THSD7B: variants seen among roughly 807,000 people sequenced by gnomAD.
THSD7B encodes the protein thrombospondin type 1 domain containing 7B.
THSD7B carries 138 observed loss-of-function variants against 213.6 expected under a neutral mutation model. That is an observed-to-expected ratio of 0.65 (90% CI 0.56 to 0.74). The LOEUF is 0.74. Among genes scored for constraint, THSD7B ranks in the 30% least tolerant of loss-of-function variants. The pLI is 0.00. For missense variants in THSD7B, 1,931 were observed against 1,991.5 expected, an observed-to-expected ratio of 0.97 and a Z score of 0.58; for synonymous variants, 742 against 687.0, an observed-to-expected ratio of 1.08 and a Z score of -1.25.
intron 2 of THSD7B, among the ~76,000 whole-genome samples, chr2:136,911,561 T>C (rs1370010249): frequency 6.6e-6 from 1 of 152,240 alleles, no homozygotes; most frequent in Non-Finnish European, 1.5e-5. Flanking sequence ...TACTCCTACC[T>C]AGCTTTCTTC....
At position 137,573,948 on chromosome 2, in the gene THSD7B, G is replaced by C. The variant is rs575011182; in HGVS notation, c.3423+1392G>C. Among the ~76,000 whole-genome samples, 189 of 152,078 alleles carry C rather than the reference G, an allele frequency of 1.2e-3. 1 individual carries two copies. Among genetic ancestry groups the C allele is most frequent in the South Asian group, 1.0e-2 (48 of 4,824 alleles). ...ATGCAATATTTATTTGAAGAAGAAGGGTAGCTGTTTTAGTTATCTGTGTGA... is the reference window on the plus strand; with the variant it reads ...ATGCAATATTTATTTGAAGAAGAAGCGTAGCTGTTTTAGTTATCTGTGTGA... On this transcript the variant is annotated intron_variant, in intron 17 of 27. Transcript: ENST00000409968.
intron 14 of THSD7B, 21 bp downstream of exon 14, chr2:137,411,893 TA>T: frequency 1.2e-6 from 2 of 1,612,848 alleles, no homozygotes; most frequent in Non-Finnish European, 1.7e-6. Context: ...GGATGGAGAG[TA>T]ACAGATGAGA....
intron 15 of THSD7B, among the ~76,000 whole-genome samples, chr2:137,457,882 A>T (rs756879801): frequency 6.6e-6 from 1 of 152,184 alleles, no homozygotes; most frequent in Non-Finnish European, 1.5e-5. Context: ...CATAATCTCC[A>T]TCCAGGTCAA....
intron 5 of THSD7B, among the ~76,000 whole-genome samples, chr2:137,142,268 A>G (rs1238810255): frequency 6.6e-6 from 1 of 152,136 alleles, no homozygotes; most frequent in African/African-American, 2.4e-5. Context: ...ACATGGCAGA[A>G]GGACAGAGAG....
At chr2:136,981,631 G>A (rs1685579346) in intron 2 of THSD7B, among the ~76,000 whole-genome samples, 1 of 152,122 alleles carries the variant, frequency 6.6e-6, no homozygotes, top group Non-Finnish European at 1.5e-5. Flanking sequence ...TCACTGCCAT[G>A]CCTCACGTTC....
At chr2:136,897,277 GTT>G (rs749173868) in intron 2 of THSD7B, among the ~76,000 whole-genome samples, 26 of 152,156 alleles carry the variant, frequency 1.7e-4, no homozygotes, top group Non-Finnish European at 3.2e-4. Flanking sequence ...CATGGTGAGT[GTT>G]GCAGTTCTTA....
chr2:137,277,284 T>G (rs1425084784), intron 12 of THSD7B, among the ~76,000 whole-genome samples: 3 of 152,082 alleles, frequency 2.0e-5, no homozygotes, highest in African/African-American at 7.2e-5. Flanking sequence ...TCATATTTTC[T>G]AGAATATGAA....
intron 12 of THSD7B, among the ~76,000 whole-genome samples, chr2:137,301,040 C>T (rs974563631): frequency 1.3e-5 from 2 of 152,110 alleles, no homozygotes; most frequent in African/African-American, 4.8e-5. Context: ...GAATTAAAAT[C>T]CTTTTACAAT....
At chr2:137,307,686 C>G (rs183698814) in intron 12 of THSD7B, among the ~76,000 whole-genome samples, 1 of 152,240 alleles carries the variant, frequency 6.6e-6, no homozygotes, top group African/African-American at 2.4e-5. Flanking sequence ...AAACAATGCT[C>G]ATGCACTACT....
At chr2:137,426,481 A>G (rs1420533412) in intron 14 of THSD7B, among the ~76,000 whole-genome samples, 1 of 152,158 alleles carries the variant, frequency 6.6e-6, no homozygotes, top group Admixed American at 6.5e-5. Flanking sequence ...ATAAAAACAG[A>G]CACATAAATC....
intron 5 of THSD7B, among the ~76,000 whole-genome samples, chr2:137,117,632 T>A (rs144339281): frequency 6.6e-6 from 1 of 152,144 alleles, no homozygotes; most frequent in African/African-American, 2.4e-5. Context: ...GGAGTGTGAT[T>A]GTGATTGCTT....
intron 12 of THSD7B, among the ~76,000 whole-genome samples, chr2:137,335,741 A>G (rs1344154656): frequency 2.0e-5 from 3 of 152,174 alleles, no homozygotes; most frequent in Non-Finnish European, 2.9e-5. Flanking sequence ...GGTTTCGAAG[A>G]TTATTGATTT....
At chr2:137,059,784 A>G (rs1312339185) in intron 3 of THSD7B, among the ~76,000 whole-genome samples, 2 of 152,188 alleles carry the variant, frequency 1.3e-5, no homozygotes, top group African/African-American at 4.8e-5. Context: ...ACTGAAGTAC[A>G]TCTTGGTTGC....
At chr2:137,398,191 G>T (rs1486775850) in intron 12 of THSD7B, among the ~76,000 whole-genome samples, 24 of 148,042 alleles carry the variant, frequency 1.6e-4, no homozygotes, top group African/African-American at 5.9e-4. Flanking sequence ...ATCCAGCTTT[G>T]TTCCGTTGCT....
At chr2:136,962,660 C>T (rs1385452310) in intron 2 of THSD7B, among the ~76,000 whole-genome samples, 1 of 151,980 alleles carries the variant, frequency 6.6e-6, no homozygotes, top group Non-Finnish European at 1.5e-5. Flanking sequence ...AAGAGTCAGC[C>T]TGGCCTTGAG....
intron 17 of THSD7B, among the ~76,000 whole-genome samples, chr2:137,596,250 T>A (rs1681955650): frequency 6.6e-6 from 1 of 151,974 alleles, no homozygotes; most frequent in Non-Finnish European, 1.5e-5. Context: ...TGGAAGATAA[T>A]GTAGCTATTA....
At chr2:137,034,501 T>C (rs1295025756) in intron 2 of THSD7B, among the ~76,000 whole-genome samples, 1 of 152,126 alleles carries the variant, frequency 6.6e-6, no homozygotes, top group Non-Finnish European at 1.5e-5. Flanking sequence ...TGGGCCGAAG[T>C]GGTTTGCTGC....
At chr2:137,661,939 A>G (rs1040200763) in intron 25 of THSD7B, among the ~76,000 whole-genome samples, 1 of 152,118 alleles carries the variant, frequency 6.6e-6, no homozygotes, top group Non-Finnish European at 1.5e-5. Flanking sequence ...TCCTAGAGGA[A>G]GATCATATAC....
intron 24 of THSD7B, 59 bp downstream of exon 24, chr2:137,657,219 G>T (rs931354917): frequency 3.3e-6 from 5 of 1,507,970 alleles, no homozygotes; most frequent in Middle Eastern, 1.7e-4. Flanking sequence ...GTTGTTATTT[G>T]TGAGAAGAAT....
Sources: allele counts gnomAD v4.1 joint callset (sites outside exome capture counted in the v4.1 genomes callset), GRCh38; gene constraint gnomAD v4.1.1; transcripts MANE v1.5; gene names NCBI Gene and HGNC (gene_info 2026-07-23, HGNC 2026-07-21).